The following PRKCZ variants were observed in gnomAD, a reference collection of about 807,000 sequenced individuals.
PRKCZ encodes the protein protein kinase C zeta, also known as protein kinase C zeta type.
A neutral mutation model predicts 79.5 loss-of-function variants in PRKCZ; 33 were observed. The ratio of observed to expected loss-of-function variants is 0.41; its 90% CI spans 0.31 to 0.55. PRKCZ has a LOEUF of 0.55. PRKCZ is among the 20% of genes least tolerant of loss of function. The pLI, the probability that PRKCZ is intolerant of heterozygous loss-of-function variation, is 0.19. For missense variants in PRKCZ, 578 were observed against 813.5 expected (o/e 0.71, Z 3.52); for synonymous variants, 342 against 320.9 (o/e 1.07, Z -0.70).
chr1:2,050,120 C>A (rs1429856155), upstream of PRKCZ: 1 of 151,904 alleles, frequency 6.6e-6, no homozygotes, highest in African/African-American at 2.4e-5. Context: ...GCGTTTCCAG[C>A]GAGTTCCCGG....
chr1:2,117,449 C>T (rs139734182), intron 4 of PRKCZ, among the ~76,000 whole-genome samples: 94 of 152,046 alleles, frequency 6.2e-4, no homozygotes, highest in African/African-American at 2.1e-3. Flanking sequence ...TCCTGGTCCC[C>T]GTAGTTTGTC....
chr1:2,056,244 C>T (rs904745800), intron 2 of PRKCZ, among the ~76,000 whole-genome samples: 4 of 152,212 alleles, frequency 2.6e-5, no homozygotes, highest in Non-Finnish European at 4.4e-5. Context: ...AAGTGGTGCC[C>T]AGGGCTGCAG....
chr1:2,085,569 C>T (rs546859339), intron 4 of PRKCZ, among the ~76,000 whole-genome samples: 1 of 152,368 alleles, frequency 6.6e-6, no homozygotes, highest in East Asian at 1.9e-4. Context: ...CATGCAGCGC[C>T]ACGCTGGAGG....
At position 2,175,360 on chromosome 1, in the gene PRKCZ, C is replaced by G. The variant is rs761470678; in HGVS notation, c.1575+47C>G. The G allele has an allele frequency of 2.0e-6, 3 of 1,483,760 alleles. No individual in the cohort carries two copies. The South Asian group carries it at 3.5e-5, about 18-fold the overall frequency. The allele number at this position is 1,483,760 out of a possible 1,614,324, so 91.9% of individuals were successfully genotyped here. A position where few individuals can be genotyped will look rare whatever the true frequency, so the allele number is the denominator to read the frequency against. ...TTGCACCCCCATCCCCATCCCAACCCCAAATCTACCCAACCCCCATCCCAA... is the reference window on the plus strand; with the variant it reads ...TTGCACCCCCATCCCCATCCCAACCGCAAATCTACCCAACCCCCATCCCAA... On this transcript the variant is annotated intron_variant, in intron 16 of 17. Transcript: ENST00000378567.
At position 2,127,967 on chromosome 1, in the gene PRKCZ, A is replaced by G. The variant is rs986005768; in HGVS notation, c.335-7295A>G. ...CTCTATTTGCCTAGGACATGCTGGC[A>G]GCTAACTGGGTGCTGGGGAAGCCTG... On this transcript the variant is annotated intron_variant, in intron 4 of 17. Coordinates refer to ENST00000378567, the MANE Select transcript of PRKCZ (RefSeq NM_002744.6). The surrounding 1 kb of genome is among the most constrained non-coding windows in gnomAD (Gnocchi z 5.1). 1.7e-4 allele frequency among the ~76,000 whole-genome samples: 26 copies of G among 152,318 alleles called. No homozygotes were observed. Among genetic ancestry groups the G allele is most frequent in the Middle Eastern group, 6.8e-3 (2 of 294 alleles).
At chr1:2,138,267 C>G (rs549339744) in intron 5 of PRKCZ, among the ~76,000 whole-genome samples, 1 of 152,216 alleles carries the variant, frequency 6.6e-6, no homozygotes, top group African/African-American at 2.4e-5. Context: ...GGGCATCCGT[C>G]GCTGGGGACT....
chr1:2,152,205 A>G (rs1487139619), intron 9 of PRKCZ, among the ~76,000 whole-genome samples: 3 of 152,180 alleles, frequency 2.0e-5, no homozygotes, highest in Non-Finnish European at 4.4e-5. Flanking sequence ...TAATTAAAGT[A>G]AAATACACAT....
chr1:2,071,431 C>A, intron 4 of PRKCZ: 1 of 349,168 alleles, frequency 2.9e-6, no homozygotes, highest in Non-Finnish European at 5.8e-6. Flanking sequence ...TGGTGTCCTC[C>A]AGGCCTGGGT....
intron 1 of PRKCZ, among the ~76,000 whole-genome samples, chr1:2,051,164 C>T (rs1424864265): frequency 6.6e-6 from 1 of 152,198 alleles, no homozygotes; most frequent in Admixed American, 6.5e-5. Context: ...GGCTCCAATG[C>T]AGCCCCCGGC....
chr1:2,159,604 A>G (rs1284796733), intron 10 of PRKCZ, among the ~76,000 whole-genome samples: 2 of 152,226 alleles, frequency 1.3e-5, no homozygotes, highest in Non-Finnish European at 2.9e-5. Flanking sequence ...TTCCACCCCA[A>G]ATCTGGTCTT....
At chr1:2,122,882 T>C (rs1440597585) in intron 4 of PRKCZ, among the ~76,000 whole-genome samples, 2 of 58,502 alleles carry the variant, frequency 3.4e-5, no homozygotes, top group Non-Finnish European at 6.0e-5. Flanking sequence ...GTCACGGTGG[T>C]GGTTAGGGTC....
intron 4 of PRKCZ, among the ~76,000 whole-genome samples, chr1:2,078,447 G>C (rs1662847906): frequency 6.6e-6 from 1 of 152,160 alleles, no homozygotes; most frequent in Middle Eastern, 3.2e-3. Flanking sequence ...GTGCCATTTT[G>C]ATTTTGTGTG....
intron 9 of PRKCZ, among the ~76,000 whole-genome samples, chr1:2,152,475 T>G (rs1680088927): frequency 6.6e-6 from 1 of 152,164 alleles, no homozygotes; most frequent in Non-Finnish European, 1.5e-5. Flanking sequence ...GAGATTGCAG[T>G]GAGCCGAGAT....
intron 4 of PRKCZ, among the ~76,000 whole-genome samples, chr1:2,092,123 A>G (rs866084257): frequency 2.6e-5 from 4 of 151,968 alleles, no homozygotes; most frequent in African/African-American, 9.7e-5. Context: ...TCCCCTAGAT[A>G]CTCCGGCCAT....
intron 9 of PRKCZ, among the ~76,000 whole-genome samples, chr1:2,155,089 C>T (rs913480927): frequency 9.9e-5 from 15 of 152,066 alleles, no homozygotes; most frequent in Non-Finnish European, 1.5e-4. Flanking sequence ...CTTTGGTGAT[C>T]GTGGTGAAGA....
chr1:2,068,599 C>T (rs1054175178), intron 4 of PRKCZ, among the ~76,000 whole-genome samples: 3 of 152,212 alleles, frequency 2.0e-5, no homozygotes, highest in Admixed American at 6.5e-5. Flanking sequence ...AGGAGGGTCA[C>T]GCTCACAGCT....
chr1:2,052,155 C>T (rs887594487), intron 1 of PRKCZ, among the ~76,000 whole-genome samples: 1 of 152,084 alleles, frequency 6.6e-6, no homozygotes, highest in Non-Finnish European at 1.5e-5. Flanking sequence ...GGGAGTCCTG[C>T]GAGAGGGAGG....
chr1:2,118,063 C>G (rs974677244), intron 4 of PRKCZ, among the ~76,000 whole-genome samples: 1 of 118,714 alleles, frequency 8.4e-6, no homozygotes, highest in Non-Finnish European at 1.6e-5. Flanking sequence ...GTGGCCCGAT[C>G]TGGGCGCACT....
At position 2,121,672 on chromosome 1, in the gene PRKCZ, T is replaced by C. The variant is rs868823419; in HGVS notation, c.335-13590T>C. ...GTCACGGTGGTGGTTAGGGTCGTGG[T>C]GGTGGTTAGGGTCACGGTGGTGGTT... On this transcript the variant is annotated intron_variant, in intron 4 of 17. Coordinates refer to ENST00000378567, the MANE Select transcript of PRKCZ (RefSeq NM_002744.6). Among the ~76,000 whole-genome samples, 175 of 116,066 alleles carry C rather than the reference T, an allele frequency of 1.5e-3. 42 individuals are homozygous for C. The East Asian group carries it at 0.022, about 15-fold the overall frequency. 76.1% of individuals were successfully genotyped at this position (116,066 alleles called of 152,430 possible).
Sources: gnomAD v4.1 joint callset for allele counts (sites outside exome capture counted in the v4.1 genomes callset) on GRCh38, gnomAD v4.1.1 for gene constraint, Gnocchi (gnomAD v3.1) non-coding constraint, MANE v1.5 for transcripts, NCBI Gene and HGNC (gene_info 2026-07-23, HGNC 2026-07-21) for gene names.